Variants in KAZN observed in about 807,000 individuals in gnomAD.
KAZN encodes kazrin.
KAZN carries 40 observed loss-of-function variants against 87.4 expected under a neutral mutation model. That is an observed-to-expected ratio of 0.46 (90% CI 0.36 to 0.60). KAZN has a LOEUF of 0.60. Ranked by LOEUF, KAZN falls within the 20% of genes least tolerant of loss-of-function variation. The probability of loss-of-function intolerance (pLI) is 0.00; values close to 1 mark genes in which losing one functional copy is unlikely to be tolerated. For missense variants in KAZN, 898 were observed against 1,073.9 expected, an observed-to-expected ratio of 0.84 and a Z score of 2.29; for synonymous variants, 466 against 458.3, an observed-to-expected ratio of 1.02 and a Z score of -0.22.
chr1:14,147,689 G>A (rs550074826), intron 1 of KAZN, among the ~76,000 whole-genome samples: 370 of 151,836 alleles, frequency 2.4e-3, no homozygotes, highest in Non-Finnish European at 4.4e-3. Flanking sequence ...CCAGCTACTC[G>A]GCAGGCTGAG....
chr1:14,877,699 G>A (rs1427816354), intron 1 of KAZN, among the ~76,000 whole-genome samples: 3 of 152,190 alleles, frequency 2.0e-5, no homozygotes, highest in Non-Finnish European at 1.5e-5. Flanking sequence ...CATAACATGT[G>A]TGTAATAATA....
chr1:14,371,587 G>T (rs1249845650), intron 2 of KAZN, among the ~76,000 whole-genome samples: 1 of 152,058 alleles, frequency 6.6e-6, no homozygotes, highest in Non-Finnish European at 1.5e-5. Context: ...GAGTTTCTTG[G>T]TACCCTCTTG....
At chr1:14,889,242 C>A (rs1654446511) in intron 1 of KAZN, among the ~76,000 whole-genome samples, 1 of 152,120 alleles carries the variant, frequency 6.6e-6, no homozygotes, top group Admixed American at 6.5e-5. Context: ...TTATTGTCCC[C>A]CAGGAAGGAG....
chr1:14,624,078 A>T (rs1678919094), intron 1 of KAZN, among the ~76,000 whole-genome samples: 1 of 152,220 alleles, frequency 6.6e-6, no homozygotes, highest in Non-Finnish European at 1.5e-5. Flanking sequence ...ATTCAAGTCT[A>T]CCATGACCTT....
chr1:14,725,937 G>T (rs1643358883), intron 1 of KAZN, among the ~76,000 whole-genome samples: 1 of 152,192 alleles, frequency 6.6e-6, no homozygotes, highest in Non-Finnish European at 1.5e-5. Context: ...AAGCGGATGG[G>T]CTCAAAGCCA....
intron 2 of KAZN, among the ~76,000 whole-genome samples, chr1:14,376,329 G>T (rs1399482499): frequency 1.3e-5 from 2 of 152,138 alleles, no homozygotes; most frequent in Non-Finnish European, 2.9e-5. Flanking sequence ...TGAAAGATGG[G>T]ACCATTAGGA....
At chr1:15,060,515 A>C in intron 6 of KAZN, 1 of 644,810 alleles carries the variant, frequency 1.6e-6, no homozygotes, top group South Asian at 2.0e-5. Context: ...TGTGTCCGGG[A>C]GGGTGAGGAG....
At position 15,041,057 on chromosome 1, in the gene KAZN, T is replaced by A. The variant is rs1672841895; in HGVS notation, c.556-2932T>A. On this transcript the variant is annotated intron_variant, in intron 3 of 14. Transcript: ENST00000376030. Reference sequence around the variant, plus strand: ...CTTCTGCCTCCTGAGTTCAAGCGATTCTCGTGCCTCAGCCTCTGGAGTAGC... The same window carrying A: ...CTTCTGCCTCCTGAGTTCAAGCGATACTCGTGCCTCAGCCTCTGGAGTAGC... 2.0e-5 allele frequency among the ~76,000 whole-genome samples: 3 copies of A among 151,896 alleles called. No homozygotes were observed. In the South Asian group the frequency reaches 6.2e-4, roughly 32 times the overall value.
intron 1 of KAZN, among the ~76,000 whole-genome samples, chr1:14,819,427 G>T (rs1296846784): frequency 6.6e-6 from 1 of 152,110 alleles, no homozygotes; most frequent in Non-Finnish European, 1.5e-5. Context: ...AAATCATCTG[G>T]CTTTAAGTCA....
rs1007851603 is a variant in KAZN, at chr1:14,949,487, C to A, written c.227-11197C>A. 1.3e-5 allele frequency among the ~76,000 whole-genome samples: 2 copies of A among 152,136 alleles called. No homozygotes were observed. The highest frequency in any genetic ancestry group is 2.4e-5 in the African/African-American group (1 of 41,418). Reference sequence around the variant, plus strand: ...AGCAGTCCTTGCTGCCACCAGCAGTCGGGAACCCAGCCACTCTGGTGGCAG... The same window carrying A: ...AGCAGTCCTTGCTGCCACCAGCAGTAGGGAACCCAGCCACTCTGGTGGCAG... On this transcript the variant is annotated intron_variant, in intron 1 of 14. Transcript: ENST00000376030. This position sits in a 1 kb window ranked among gnomAD's most constrained non-coding sequence, Gnocchi z 4.3.
rs1648408332 is a variant in KAZN at position 14,236,207 on chromosome 1, A to G, written c.249+55615A>G. 9.2e-5 allele frequency among the ~76,000 whole-genome samples: 14 copies of G among 152,274 alleles called. 1 individual carries two copies. The South Asian group carries it at 2.9e-3, about 32-fold the overall frequency. On this transcript the variant is annotated intron_variant, in intron 2 of 16. Transcript: ENST00000636203. ...GGGCCAGTCCACCCTAAGTGGCTTTAGGCTCCAGCTCCTGCCTGACTTCCC... is the reference window on the plus strand; with the variant it reads ...GGGCCAGTCCACCCTAAGTGGCTTTGGGCTCCAGCTCCTGCCTGACTTCCC...
At chr1:14,927,220 G>T (rs1320652290) in intron 1 of KAZN, among the ~76,000 whole-genome samples, 2 of 152,182 alleles carry the variant, frequency 1.3e-5, no homozygotes, top group East Asian at 3.9e-4. Flanking sequence ...CTCACTGGAG[G>T]TTCTTAAACT....
At position 14,493,564 on chromosome 1, in the gene KAZN, T is replaced by G. The variant is rs1199283174; in HGVS notation, c.250-105419T>G. ...TTTCATCTTGTTTCAGACTCATGCT[T>G]GTATGATTTTTGTCTTTATCCTTAT... On this transcript the variant is annotated intron_variant, in intron 2 of 16. Coordinates refer to the KAZN transcript ENST00000636203. 2.6e-5 allele frequency among the ~76,000 whole-genome samples: 4 copies of G among 152,198 alleles called. No individual in the cohort carries two copies. The South Asian group carries it at 8.3e-4, about 32-fold the overall frequency.
chr1:14,881,745 G>A (rs1653362098), intron 1 of KAZN, among the ~76,000 whole-genome samples: 1 of 152,202 alleles, frequency 6.6e-6, no homozygotes, highest in African/African-American at 2.4e-5. Flanking sequence ...GACCTCATAT[G>A]AACCATTTTG....
chr1:14,206,035 A>T (rs76599211), intron 2 of KAZN, among the ~76,000 whole-genome samples: 3,417 of 152,152 alleles, frequency 0.022, 158 homozygotes, highest in African/African-American at 0.078. Flanking sequence ...TAAATTTTTT[A>T]AAAAAGCCAC....
intron 1 of KAZN, among the ~76,000 whole-genome samples, chr1:14,738,000 T>C (rs908215098): frequency 1.3e-5 from 2 of 152,154 alleles, no homozygotes; most frequent in Non-Finnish European, 2.9e-5. Flanking sequence ...TCACAGGTTC[T>C]GCATGCACTC....
intron 1 of KAZN, among the ~76,000 whole-genome samples, chr1:14,777,582 T>A (rs902254068): frequency 6.6e-6 from 1 of 152,172 alleles, no homozygotes; most frequent in African/African-American, 2.4e-5. Context: ...CCTTAGGACC[T>A]TCTTTCTGTC....
chr1:14,946,001 A>C (rs1661726065), intron 1 of KAZN: 1 of 723,004 alleles, frequency 1.4e-6, no homozygotes, highest in Non-Finnish European at 1.7e-6. Flanking sequence ...GTCCTCAGGC[A>C]TTGGCACAGC....
chr1:14,216,298 G>A (rs1646955251), intron 2 of KAZN, among the ~76,000 whole-genome samples: 1 of 152,156 alleles, frequency 6.6e-6, no homozygotes, highest in Non-Finnish European at 1.5e-5. Flanking sequence ...TACTCTACTA[G>A]CAGGTGAATA....
Sources: gnomAD v4.1 joint callset for allele counts (sites outside exome capture counted in the v4.1 genomes callset) on GRCh38, gnomAD v4.1.1 for gene constraint, Gnocchi (gnomAD v3.1) non-coding constraint, MANE v1.5 for transcripts, NCBI Gene and HGNC (gene_info 2026-07-23, HGNC 2026-07-21) for gene names.